Variants in DNAJC1 observed in about 807,000 individuals in gnomAD.
The protein encoded by DNAJC1 is dnaJ homolog subfamily C member 1.
Under a neutral mutation model 76.6 loss-of-function variants are expected in DNAJC1, and 58 were observed. That is an observed-to-expected ratio of 0.76 (90% CI 0.61 to 0.94). DNAJC1 has a LOEUF of 0.94. Among genes scored for constraint, DNAJC1 ranks in the 40% least tolerant of loss-of-function variants. The pLI is 0.00. For missense variants in DNAJC1, 689 were observed against 677.3 expected, an observed-to-expected ratio of 1.02 and a Z score of -0.19; for synonymous variants, 258 against 267.9, an observed-to-expected ratio of 0.96 and a Z score of 0.36.
At chr10:21,903,965 C>A (rs375950229) in intron 7 of DNAJC1, among the ~76,000 whole-genome samples, 1 of 152,078 alleles carries the variant, frequency 6.6e-6, no homozygotes, top group Non-Finnish European at 1.5e-5. Flanking sequence ...AAAAGGACTG[C>A]GGCTGAGAAA....
intron 8 of DNAJC1, among the ~76,000 whole-genome samples, chr10:21,834,380 G>C (rs1275043069): frequency 6.6e-6 from 1 of 152,236 alleles, no homozygotes; most frequent in Non-Finnish European, 1.5e-5. Context: ...CTGGTCTACA[G>C]CTACCAGCGT....
At chr10:21,780,836 G>A (rs957328488) in intron 9 of DNAJC1, among the ~76,000 whole-genome samples, 1 of 152,160 alleles carries the variant, frequency 6.6e-6, no homozygotes, top group Non-Finnish European at 1.5e-5. Flanking sequence ...TCAGTGTGCT[G>A]TATTCAGGAG....
intron 8 of DNAJC1, among the ~76,000 whole-genome samples, chr10:21,807,731 A>C (rs1001987535): frequency 2.0e-5 from 3 of 152,198 alleles, no homozygotes; most frequent in African/African-American, 4.8e-5. Flanking sequence ...AAACATATTC[A>C]TCAGTACAGC....
chr10:21,969,040 A>G (rs1405027069), intron 1 of DNAJC1, among the ~76,000 whole-genome samples: 13 of 151,968 alleles, frequency 8.6e-5, no homozygotes, highest in Admixed American at 7.2e-4. Context: ...CCTGGCCAAC[A>G]TGGTGAAACC....
At chr10:21,824,358 G>A (rs1034157441) in intron 8 of DNAJC1, among the ~76,000 whole-genome samples, 2 of 152,218 alleles carry the variant, frequency 1.3e-5, no homozygotes, top group African/African-American at 4.8e-5. Flanking sequence ...TGCACTTCAA[G>A]TGTGAGAGTT....
At chr10:21,808,604 G>T (rs1034087162) in intron 8 of DNAJC1, among the ~76,000 whole-genome samples, 3 of 152,150 alleles carry the variant, frequency 2.0e-5, no homozygotes, top group African/African-American at 7.2e-5. Context: ...TGGTGAATGT[G>T]TAATTCCTCG....
At chr10:21,814,365 A>C (rs1042641952) in intron 8 of DNAJC1, among the ~76,000 whole-genome samples, 5 of 152,208 alleles carry the variant, frequency 3.3e-5, no homozygotes, top group Admixed American at 6.5e-5. Flanking sequence ...CACTGTAACA[A>C]GTACTAAGTA....
In DNAJC1 at chr10:21,925,203, G is replaced by A. The variant is rs2807981; in HGVS notation, c.371+3303C>T. Among the ~76,000 whole-genome samples, 3 of 151,854 alleles carry A rather than the reference G, an allele frequency of 2.0e-5. No homozygotes were observed. In the South Asian group the frequency reaches 6.2e-4, roughly 32 times the overall value. ...ATTTTTTTATTTTTTGTAGAGATAGGGTCTAGCTATGTTGCCAGGGCTGGT... is the reference window on the plus strand; with the variant it reads ...ATTTTTTTATTTTTTGTAGAGATAGAGTCTAGCTATGTTGCCAGGGCTGGT... On this transcript the variant is annotated intron_variant, in intron 3 of 11. Transcript: ENST00000376980.
chr10:22,003,130 T>G, intron 1 of DNAJC1, 83 bp downstream of exon 1: 1 of 1,372,520 alleles, frequency 7.3e-7, no homozygotes, highest in Non-Finnish European at 9.5e-7. Context: ...CTGCCCTACG[T>G]GTCCGGCTGT....
At chr10:21,885,304 T>C (rs895751826) in intron 7 of DNAJC1, among the ~76,000 whole-genome samples, 1 of 152,102 alleles carries the variant, frequency 6.6e-6, no homozygotes, top group African/African-American at 2.4e-5. Context: ...CCTAAATATA[T>C]ATGCACCCAA....
At chr10:21,938,896 TTG>T (rs1302098733) in intron 1 of DNAJC1, among the ~76,000 whole-genome samples, 2 of 152,144 alleles carry the variant, frequency 1.3e-5, no homozygotes, top group Non-Finnish European at 2.9e-5. Flanking sequence ...TGTTTTTTGT[TTG>T]TTTGTTTGTT....
chr10:21,865,855 C>T (rs1032728668), intron 8 of DNAJC1: 8 of 151,966 alleles, frequency 5.3e-5, no homozygotes, highest in Non-Finnish European at 1.2e-4. Flanking sequence ...TAGTCCTGGG[C>T]CAGGCATGCT....
intron 6 of DNAJC1, among the ~76,000 whole-genome samples, chr10:21,908,563 T>C (rs1446001781): frequency 5.3e-5 from 8 of 151,240 alleles, no homozygotes; most frequent in Non-Finnish European, 1.5e-5. Flanking sequence ...CAAAAACTTA[T>C]TTGGGTCCAG....
At chr10:21,920,023 G>A (rs529351282) in intron 4 of DNAJC1, 94 bp from the exon 5 acceptor site, 13 of 742,556 alleles carry the variant, frequency 1.8e-5, no homozygotes, top group Non-Finnish European at 2.8e-5. Flanking sequence ...ACATTATAGA[G>A]GAACATTTAT....
chr10:21,774,977 C>T (rs1303727359), intron 9 of DNAJC1, among the ~76,000 whole-genome samples: 1 of 152,138 alleles, frequency 6.6e-6, no homozygotes, highest in Non-Finnish European at 1.5e-5. Context: ...CCTGTTTCTA[C>T]AGAGTCAAGG....
intron 9 of DNAJC1, among the ~76,000 whole-genome samples, chr10:21,800,387 A>T (rs1261196090): frequency 6.6e-6 from 1 of 152,204 alleles, no homozygotes; most frequent in East Asian, 1.9e-4. Flanking sequence ...CTCTAAAAAC[A>T]TTCATATTCT....
intron 8 of DNAJC1, among the ~76,000 whole-genome samples, chr10:21,820,220 T>C (rs191927874): frequency 1.3e-5 from 2 of 152,312 alleles, no homozygotes; most frequent in East Asian, 3.9e-4. Flanking sequence ...GCATAATGTT[T>C]TCAAGGTCCA....
intron 1 of DNAJC1, among the ~76,000 whole-genome samples, chr10:21,947,140 T>G (rs1202908038): frequency 6.6e-6 from 1 of 152,180 alleles, no homozygotes; most frequent in Non-Finnish European, 1.5e-5. Context: ...ATGTGCATGA[T>G]GTCATGTGCA....
At chr10:21,869,766 A>G (rs906778540) in intron 8 of DNAJC1, among the ~76,000 whole-genome samples, 3 of 152,108 alleles carry the variant, frequency 2.0e-5, no homozygotes, top group Non-Finnish European at 4.4e-5. Flanking sequence ...TGATGAAATG[A>G]CATACAACTA....
Sources: gnomAD v4.1 joint callset for allele counts (sites outside exome capture counted in the v4.1 genomes callset) on GRCh38, gnomAD v4.1.1 for gene constraint, MANE v1.5 for transcripts, NCBI Gene and HGNC (gene_info 2026-07-23, HGNC 2026-07-21) for gene names.